Variants in CAMTA1 observed in about 807,000 individuals in gnomAD.
CAMTA1 encodes the protein calmodulin binding transcription activator 1, also known as calmodulin-binding transcription activator 1.
Under a neutral mutation model 170.9 loss-of-function variants are expected in CAMTA1, and 27 were observed. The observed-to-expected ratio is 0.16, with a 90% confidence interval of 0.12 to 0.22. The LOEUF (loss-of-function observed/expected upper bound fraction) is 0.22, where lower values mean the gene tolerates loss of function less well. Among genes scored for constraint, CAMTA1 ranks in the 10% least tolerant of loss-of-function variants. The pLI, the probability that CAMTA1 is intolerant of heterozygous loss-of-function variation, is 1.00. For missense variants in CAMTA1, 1,619 were observed against 2,217.2 expected (o/e 0.73, Z 5.42); for synonymous variants, 833 against 891.5 (o/e 0.93, Z 1.17).
At position 7,234,287 on chromosome 1, in the gene CAMTA1, C is replaced by T. The variant is rs909537951; in HGVS notation, c.303-15204C>T. Among the ~76,000 whole-genome samples the T allele has an allele frequency of 1.3e-5, 2 of 152,188 alleles. No homozygotes were observed. Among genetic ancestry groups the T allele is most frequent in the African/African-American group, 4.8e-5 (2 of 41,442 alleles). ...CTTCCAGGGAGCCAGCATTCATGTC[C>T]TTGCCTTCGCCTCCGCTTCCACCCA... On this transcript the variant is annotated intron_variant, in intron 4 of 22. Coordinates refer to ENST00000303635, the MANE Select transcript of CAMTA1 (RefSeq NM_015215.4). The surrounding 1 kb of genome is among the most constrained non-coding windows in gnomAD (Gnocchi z 5.0).
At position 7,674,621 on chromosome 1, in the gene CAMTA1, A is replaced by T. The variant is rs757171632; in HGVS notation, c.2780-2978A>T. Among the ~76,000 whole-genome samples, 34 of 152,154 alleles carry T rather than the reference A, an allele frequency of 2.2e-4. No individual in the cohort carries two copies. Among genetic ancestry groups the T allele is most frequent in the Admixed American group, 1.3e-4 (2 of 15,272 alleles). ...TGGTGAAACCCCGTCTCTACTAAAA[A>T]TACAAAAATTAGCTGGGCGTGGTGG... On this transcript the variant is annotated intron_variant, in intron 10 of 22. Transcript: ENST00000303635. This position sits in a 1 kb window ranked among gnomAD's most constrained non-coding sequence, Gnocchi z 4.1.
chr1:7,324,565 A>G (rs748301865), intron 5 of CAMTA1, among the ~76,000 whole-genome samples: 4 of 151,784 alleles, frequency 2.6e-5, no homozygotes, highest in Non-Finnish European at 4.4e-5. Flanking sequence ...CATGTTTTCA[A>G]TTGAGTTTTG....
chr1:7,157,914 C>T (rs961241150), intron 4 of CAMTA1, among the ~76,000 whole-genome samples: 1 of 152,144 alleles, frequency 6.6e-6, no homozygotes, highest in Non-Finnish European at 1.5e-5. Flanking sequence ...AATCCCAGCA[C>T]TTTGGGAGGC....
rs376565332 is a variant in CAMTA1, at chr1:7,031,821, A to G, written c.235-59483A>G. Among the ~76,000 whole-genome samples the G allele has an allele frequency of 1.2e-3, 176 of 152,160 alleles. 1 individual carries two copies. The highest frequency in any genetic ancestry group is 6.7e-3 in the South Asian group (32 of 4,812). On this transcript the variant is annotated intron_variant, in intron 3 of 22. Transcript: ENST00000303635. The stretch of plus-strand genomic sequence containing the variant: ...CTCCTGAAGTGCTGGGATTATAGGC[A>G]TGAGTCACCACGCCCAGCCAATCTC...
chr1:6,809,769 A>C (rs1356956647), intron 1 of CAMTA1, among the ~76,000 whole-genome samples: 1 of 152,062 alleles, frequency 6.6e-6, no homozygotes, highest in Non-Finnish European at 1.5e-5. Context: ...TCGGAGAGGT[A>C]AGGGAACAAG....
At chr1:7,133,570 G>A (rs1465462736) in intron 4 of CAMTA1, among the ~76,000 whole-genome samples, 1 of 152,096 alleles carries the variant, frequency 6.6e-6, no homozygotes, top group African/African-American at 2.4e-5. Flanking sequence ...GTCCTGCACT[G>A]TCAATATGTG....
At chr1:7,278,262 G>C (rs1419128047) in intron 5 of CAMTA1, among the ~76,000 whole-genome samples, 1 of 152,190 alleles carries the variant, frequency 6.6e-6, no homozygotes, top group Non-Finnish European at 1.5e-5. Flanking sequence ...CTGGTGCCTA[G>C]TGTTATTGAC....
At chr1:7,595,832 C>T (rs1335201669) in intron 6 of CAMTA1, among the ~76,000 whole-genome samples, 1 of 152,200 alleles carries the variant, frequency 6.6e-6, no homozygotes, top group Non-Finnish European at 1.5e-5. Context: ...GGCGGAACCC[C>T]CCACCCCACC....
chr1:6,981,603 T>G (rs1052272720), intron 3 of CAMTA1, among the ~76,000 whole-genome samples: 1 of 151,928 alleles, frequency 6.6e-6, no homozygotes, highest in African/African-American at 2.4e-5. Flanking sequence ...TGGCTAATTT[T>G]TAATTTTTTT....
chr1:7,538,697 C>T lies in CAMTA1; in HGVS notation c.510+70796C>T, dbSNP rs565749479. ...AACAAACTATATAGACCTCAGACCC[C>T]AACAAACTGAGTCTGCCTCATTACG... On this transcript the variant is annotated intron_variant, in intron 6 of 22. Coordinates refer to ENST00000303635, the MANE Select transcript of CAMTA1 (RefSeq NM_015215.4). Among the ~76,000 whole-genome samples, 4 of 152,312 alleles carry T rather than the reference C, an allele frequency of 2.6e-5. No homozygotes were observed. The South Asian group carries it at 8.3e-4, about 32-fold the overall frequency.
At chr1:6,912,886 C>T (rs1680018496) in intron 3 of CAMTA1, among the ~76,000 whole-genome samples, 1 of 152,212 alleles carries the variant, frequency 6.6e-6, no homozygotes, top group Non-Finnish European at 1.5e-5. Flanking sequence ...GGGAGGGAAG[C>T]TTGGGCACCA....
intron 6 of CAMTA1, among the ~76,000 whole-genome samples, chr1:7,516,199 C>T (rs575723772): frequency 6.6e-6 from 1 of 152,362 alleles, no homozygotes; most frequent in African/African-American, 2.4e-5. Context: ...TTGTTTGGAA[C>T]TTAAAACACT....
chr1:6,999,427 A>G (rs139181842), intron 3 of CAMTA1, among the ~76,000 whole-genome samples: 2,779 of 152,312 alleles, frequency 0.018, 41 homozygotes, highest in African/African-American at 0.035. Context: ...TCTGTTGCCC[A>G]GGCTGGAGTG....
chr1:7,500,739 C>T lies in CAMTA1; in HGVS notation c.510+32838C>T, dbSNP rs529858002. 3.3e-5 allele frequency among the ~76,000 whole-genome samples: 5 copies of T among 152,136 alleles called. No homozygotes were observed. The South Asian group carries it at 6.2e-4, about 19-fold the overall frequency. ...GGCTCCGTCCAGATGGAGGGAGGGC[C>T]GGTGTTCCCTTGCCTCAGAGTCTGC... On this transcript the variant is annotated intron_variant, in intron 6 of 22. Transcript: ENST00000303635.
chr1:7,053,371 C>A (rs189735587), intron 3 of CAMTA1, among the ~76,000 whole-genome samples: 1 of 152,202 alleles, frequency 6.6e-6, no homozygotes, highest in African/African-American at 2.4e-5. Flanking sequence ...TGTCTTCTCG[C>A]GGCGAGGTGT....
chr1:7,668,326 C>A lies in CAMTA1; in HGVS notation c.2653-2585C>A, dbSNP rs138727516. On this transcript the variant is annotated intron_variant, in intron 9 of 22. Transcript: ENST00000303635. ...CTTCTCTGAGTGGCCCTCCCTCCCA[C>A]AGGCTGCTCCCATTTCTCCTATCTC... Among the ~76,000 whole-genome samples, 658 of 151,956 alleles carry A rather than the reference C, an allele frequency of 4.3e-3. 2 individuals carry two copies. The highest frequency in any genetic ancestry group is 7.6e-3 in the Non-Finnish European group (516 of 67,930).
intron 6 of CAMTA1, among the ~76,000 whole-genome samples, chr1:7,516,587 A>G (rs541835212): frequency 1.1e-4 from 16 of 152,300 alleles, no homozygotes; most frequent in African/African-American, 3.8e-4. Context: ...TCCTGCTTAG[A>G]CATTTCAGGA....
At chr1:6,868,209 T>G (rs1159868370) in intron 3 of CAMTA1, among the ~76,000 whole-genome samples, 1 of 152,056 alleles carries the variant, frequency 6.6e-6, no homozygotes, top group Admixed American at 6.6e-5. Flanking sequence ...TGTAAAGAGT[T>G]AGTAGAATGT....
At chr1:7,735,224 G>A (rs995030785) in intron 12 of CAMTA1, among the ~76,000 whole-genome samples, 12 of 152,252 alleles carry the variant, frequency 7.9e-5, no homozygotes, top group Middle Eastern at 3.4e-3. Context: ...GAGGCTGGGC[G>A]CGGTGGCTCA....
Sources: allele counts gnomAD v4.1 joint callset (sites outside exome capture counted in the v4.1 genomes callset), GRCh38; gene constraint gnomAD v4.1.1; non-coding constraint Gnocchi (gnomAD v3.1); transcripts MANE v1.5; gene names NCBI Gene and HGNC (gene_info 2026-07-23, HGNC 2026-07-21).